Variants in LRRK2 observed in about 807,000 individuals in gnomAD.
LRRK2 encodes the protein leucine-rich repeat serine/threonine-protein kinase 2.
A neutral mutation model predicts 302.6 loss-of-function variants in LRRK2; 203 were observed. That is an observed-to-expected ratio of 0.67 (90% CI 0.60 to 0.75). The LOEUF (loss-of-function observed/expected upper bound fraction) is 0.75, where lower values mean the gene tolerates loss of function less well. LRRK2 is among the 30% of genes least tolerant of loss of function. The pLI is 0.00. For synonymous variants in LRRK2, 1,066 were observed against 1,031.9 expected, an observed-to-expected ratio of 1.03 and a Z score of -0.63; for missense variants, 2,830 against 2,951.0, an observed-to-expected ratio of 0.96 and a Z score of 0.95.
intron 6 of LRRK2, 61 bp from the exon 7 acceptor site, chr12:40,243,489 A>T: frequency 6.3e-7 from 1 of 1,580,908 alleles, no homozygotes; most frequent in Non-Finnish European, 8.7e-7. Flanking sequence ...ACGTCTTTGT[A>T]TGCATATTTG....
chr12:40,281,824 A>T (rs1943707908), intron 18 of LRRK2, among the ~76,000 whole-genome samples: 1 of 152,232 alleles, frequency 6.6e-6, no homozygotes, highest in Admixed American at 6.5e-5. Context: ...CTAGATAATT[A>T]ATAGAGAATA....
intron 2 of LRRK2, among the ~76,000 whole-genome samples, chr12:40,230,724 A>C (rs1184827900): frequency 1.3e-5 from 2 of 150,368 alleles, no homozygotes; most frequent in Admixed American, 6.7e-5. Flanking sequence ...AATAGAATGA[A>C]TTGGAGATCC....
intron 14 of LRRK2, among the ~76,000 whole-genome samples, chr12:40,264,156 T>C (rs1414315738): frequency 6.6e-6 from 1 of 152,146 alleles, no homozygotes; most frequent in Non-Finnish European, 1.5e-5. Flanking sequence ...ATAAATCCAC[T>C]CTAGTTTGCT....
chr12:40,274,491 A>G, intron 14 of LRRK2, 92 bp from the exon 15 acceptor site: 2 of 1,279,934 alleles, frequency 1.6e-6, no homozygotes, highest in Non-Finnish European at 2.2e-6. Context: ...TATTTGGATT[A>G]CTTGATTTAT....
chr12:40,352,605 G>GCGGC (rs1946389122), intron 44 of LRRK2, among the ~76,000 whole-genome samples: 1 of 151,058 alleles, frequency 6.6e-6, no homozygotes, highest in Admixed American at 6.6e-5. Flanking sequence ...AGAGGACCCT[G>GCGGC]CGGCCTTCCG....
At chr12:40,305,370 C>T (rs965609103) in intron 27 of LRRK2, among the ~76,000 whole-genome samples, 1 of 152,082 alleles carries the variant, frequency 6.6e-6, no homozygotes, top group Non-Finnish European at 1.5e-5. Flanking sequence ...TGTAGCTGTA[C>T]TTTGAGAACA....
At chr12:40,232,214 C>T in intron 2 of LRRK2, 60 bp from the exon 3 acceptor site, 2 of 1,171,300 alleles carry the variant, frequency 1.7e-6, no homozygotes, top group South Asian at 1.2e-5. Flanking sequence ...TCATGTTTGA[C>T]TGAGTATGCT....
chr12:40,345,647 A>G (rs28365234), intron 41 of LRRK2, among the ~76,000 whole-genome samples: 3 of 147,658 alleles, frequency 2.0e-5, no homozygotes, highest in Admixed American at 6.8e-5. Flanking sequence ...AAAAAAAAAG[A>G]AAGAAAGAGT....
At chr12:40,226,457 G>T (rs1001583629) in intron 2 of LRRK2, among the ~76,000 whole-genome samples, 18 of 152,204 alleles carry the variant, frequency 1.2e-4, no homozygotes, top group African/African-American at 4.1e-4. Context: ...TGGAGGTGCA[G>T]TCAGAAAGCC....
At position 40,308,331 on chromosome 12, in the gene LRRK2, AC is replaced by A. The variant is rs1339659599; in HGVS notation, c.3960-135del. The A allele has an allele frequency of 4.1e-5, 27 of 657,160 alleles. 1 individual carries two copies. In the East Asian group the frequency reaches 5.8e-4, roughly 14 times the overall value. The allele number at this position is 657,160 out of a possible 1,614,324, so 40.7% of individuals were successfully genotyped here. A position where few individuals can be genotyped will look rare whatever the true frequency, so the allele number is the denominator to read the frequency against. On this transcript the variant is annotated intron_variant, in intron 28 of 50. Transcript: ENST00000298910. The stretch of plus-strand genomic sequence containing the variant: ...ATTAACAGTACTCTGAAAGACATGT[AC>A]ATTATTAGTTATATGAGATATGCAC...
intron 23 of LRRK2, among the ~76,000 whole-genome samples, chr12:40,296,596 T>A (rs1382489671): frequency 6.6e-6 from 1 of 151,756 alleles, no homozygotes; most frequent in East Asian, 1.9e-4. Context: ...CGCACCACTG[T>A]ACTCTAGCCT....
intron 7 of LRRK2, among the ~76,000 whole-genome samples, chr12:40,249,039 G>C (rs1193548278): frequency 6.6e-6 from 1 of 152,122 alleles, no homozygotes; most frequent in East Asian, 1.9e-4. Flanking sequence ...GGTTTTTTAT[G>C]ATACAGGATA....
rs866786390 is a variant in LRRK2, at chr12:40,305,689, G to A, written c.3778-96G>A. The A allele has an allele frequency of 2.8e-6, 3 of 1,064,764 alleles. No individual in the cohort carries two copies. The African/African-American group carries it at 4.7e-5, about 17-fold the overall frequency. 66.0% of individuals were successfully genotyped at this position (1,064,764 alleles called of 1,614,324 possible). A position where few individuals can be genotyped will look rare whatever the true frequency, so the allele number is the denominator to read the frequency against. ...TGAAAGGTTGTGCAAGCTGCTGATG[G>A]AATCTGTGAGCCTTTCTTGTTTCTT... On this transcript the variant is annotated intron_variant, in intron 27 of 50. Transcript: ENST00000298910.
At chr12:40,262,756 A>G (rs1030592179) in intron 13 of LRRK2, among the ~76,000 whole-genome samples, 1 of 152,226 alleles carries the variant, frequency 6.6e-6, no homozygotes, top group African/African-American at 2.4e-5. Context: ...TGATGTTTTT[A>G]CTACTCAGGC....
rs1944913201 is a variant in LRRK2, at chr12:40,308,480, C to T, written c.3973C>T (p.Arg1325Ter). The change falls in exon 29 of 51, where the codon CGA (arginine) becomes TGA (stop). Residue 1325 changes from arginine to a stop codon, truncating the protein, a stop_gained. Coordinates refer to ENST00000298910, the MANE Select transcript of LRRK2 (RefSeq NM_198578.4). LOFTEE classifies it high-confidence loss of function. ...AKDIIRFLQQ[R>*]LKKAVPYNRM... ...TTCAAATACTAGGTTTCTTCAACAG[C>T]GATTAAAAAAGGCTGTGCCTTATAA... 3.1e-6 allele frequency: 5 copies of T among 1,613,134 alleles called. No individual in the cohort carries two copies. Among genetic ancestry groups the T allele is most frequent in the Non-Finnish European group, 4.2e-6 (5 of 1,179,594 alleles).
At chr12:40,260,461 A>C (rs1014214905) in intron 13 of LRRK2, among the ~76,000 whole-genome samples, 1 of 151,290 alleles carries the variant, frequency 6.6e-6, no homozygotes, top group African/African-American at 2.4e-5. Context: ...AGCAGAAGAA[A>C]GTGCACATGG....
chr12:40,320,546 G>T (rs752743459), intron 34 of LRRK2, among the ~76,000 whole-genome samples: 8 of 151,940 alleles, frequency 5.3e-5, no homozygotes, highest in Non-Finnish European at 1.0e-4. Context: ...GTTTTCAACA[G>T]AATTTTAAAA....
At chr12:40,367,511 G>T in intron 50 of LRRK2, 133 bp from the exon 51 acceptor site, 1 of 689,056 alleles carries the variant, frequency 1.5e-6, no homozygotes, top group Admixed American at 3.7e-5. Flanking sequence ...TAATAATTTA[G>T]TACATTAGTT....
intron 41 of LRRK2, among the ~76,000 whole-genome samples, chr12:40,345,641 A>AAG (rs1946170441): frequency 6.6e-6 from 1 of 151,028 alleles, no homozygotes; most frequent in African/African-American, 2.4e-5. Context: ...AAAAAAAAAA[A>AAG]AAAAGAAAGA....
Sources: allele counts gnomAD v4.1 joint callset (sites outside exome capture counted in the v4.1 genomes callset), GRCh38; gene constraint gnomAD v4.1.1; transcripts MANE v1.5; gene names NCBI Gene and HGNC (gene_info 2026-07-23, HGNC 2026-07-21).